Variants in CDC42BPA observed in about 807,000 individuals in gnomAD.
CDC42BPA encodes the protein serine/threonine-protein kinase MRCK alpha.
In CDC42BPA, 80 loss-of-function variants were observed where a neutral mutation model predicts 223.5. The ratio of observed to expected loss-of-function variants is 0.36; its 90% confidence interval spans 0.30 to 0.43. The LOEUF (loss-of-function observed/expected upper bound fraction) is 0.43, where lower values mean the gene tolerates loss of function less well. Ranked by LOEUF, CDC42BPA falls within the 20% of genes least tolerant of loss-of-function variation. The pLI, the probability that CDC42BPA is intolerant of heterozygous loss-of-function variation, is 1.00. For missense variants in CDC42BPA, 1,743 were observed against 2,099.9 expected, an observed-to-expected ratio of 0.83 and a Z score of 3.32; for synonymous variants, 694 against 718.6, an observed-to-expected ratio of 0.97 and a Z score of 0.55.
intron 1 of CDC42BPA, among the ~76,000 whole-genome samples, chr1:227,293,028 GCTA>G (rs1006957008): frequency 6.6e-6 from 1 of 152,038 alleles, no homozygotes; most frequent in African/African-American, 2.4e-5. Context: ...CTTCATCATA[GCTA>G]CTGACTCAAT....
At chr1:226,999,237 C>T (rs1243758764) in intron 35 of CDC42BPA, among the ~76,000 whole-genome samples, 5 of 150,568 alleles carry the variant, frequency 3.3e-5, no homozygotes, top group South Asian at 4.2e-4. Context: ...AGTGCAGTGG[C>T]GTGATCTCAG....
In CDC42BPA at chr1:226,990,587, T is replaced by G. The variant is rs1660629046; in HGVS notation, c.*3681A>C. Reference sequence around the variant, plus strand: ...CTCTGTCTAGATTGGATGGGGAGCCTTAGGCTTGGCAAGGCCTACCTGCTG... The same window carrying G: ...CTCTGTCTAGATTGGATGGGGAGCCGTAGGCTTGGCAAGGCCTACCTGCTG... On this transcript the variant is annotated 3_prime_UTR_variant, in exon 37 of 37. Coordinates refer to ENST00000366766, the MANE Select transcript of CDC42BPA (RefSeq NM_001394014.1). The G allele has an allele frequency of 1.3e-5, 2 of 152,392 alleles. No individual in the cohort carries two copies. The highest frequency in any genetic ancestry group is 2.9e-5 in the Non-Finnish European group (2 of 68,076). 9.4% of individuals were successfully genotyped at this position (152,392 alleles called of 1,614,324 possible).
At chr1:227,266,061 A>C (rs1226179840) in intron 1 of CDC42BPA, among the ~76,000 whole-genome samples, 1 of 152,216 alleles carries the variant, frequency 6.6e-6, no homozygotes, top group Non-Finnish European at 1.5e-5. Flanking sequence ...CCTAACAACT[A>C]ATCTTCCCTT....
At chr1:227,171,946 T>C (rs1666182321) in intron 5 of CDC42BPA, among the ~76,000 whole-genome samples, 1 of 152,122 alleles carries the variant, frequency 6.6e-6, no homozygotes, top group Non-Finnish European at 1.5e-5. Context: ...CACATTAATA[T>C]CTCCCATTCG....
intron 35 of CDC42BPA, among the ~76,000 whole-genome samples, chr1:226,997,434 C>A (rs983370764): frequency 6.6e-6 from 1 of 151,882 alleles, no homozygotes; most frequent in Non-Finnish European, 1.5e-5. Context: ...AAGGGTTTTT[C>A]GTGTCTCTAT....
chr1:227,273,808 C>T (rs1210554265), intron 1 of CDC42BPA, among the ~76,000 whole-genome samples: 2 of 149,626 alleles, frequency 1.3e-5, no homozygotes, highest in African/African-American at 4.9e-5. Flanking sequence ...CTCAAAGTTC[C>T]GTAGGAATTC....
At chr1:227,157,804 C>A (rs2149782608) in intron 6 of CDC42BPA, among the ~76,000 whole-genome samples, 1 of 152,228 alleles carries the variant, frequency 6.6e-6, no homozygotes, top group South Asian at 2.1e-4. Context: ...TATCTCTAGT[C>A]CACTTTTAAC....
intron 1 of CDC42BPA, among the ~76,000 whole-genome samples, chr1:227,262,364 CAAACTT>C (rs1684225872): frequency 6.6e-6 from 1 of 151,436 alleles, no homozygotes; most frequent in African/African-American, 2.4e-5. Flanking sequence ...TTAAAGTACT[CAAACTT>C]AAAAAAAAAA....
In CDC42BPA at chr1:227,016,188, T is replaced by C; in HGVS notation, c.4749A>G (p.Leu1583=). The change falls in exon 34 of 37, where the codon CTA becomes CTG. Residue 1583 remains leucine (L), a synonymous_variant. Coordinates refer to ENST00000366766, the MANE Select transcript of CDC42BPA (RefSeq NM_001394014.1). ...EERMQQRREM[L]RDPEMRNKLI... ...ATTTATTTCTCATTTCTGGATCTCG[T>C]AGCATTTCCCTGTAAGACAAGGCAT... 1.9e-6 allele frequency: 3 copies of C among 1,542,306 alleles called. No homozygotes were observed. Among genetic ancestry groups the C allele is most frequent in the Non-Finnish European group, 9.0e-7 (1 of 1,115,330 alleles).
intron 5 of CDC42BPA, among the ~76,000 whole-genome samples, chr1:227,160,934 GACCT>G (rs1663768954): frequency 6.6e-6 from 1 of 152,058 alleles, no homozygotes; most frequent in African/African-American, 2.4e-5. Flanking sequence ...GACTATGGTA[GACCT>G]ACTTTCTGCA....
At chr1:227,273,288 ACT>A (rs1356387448) in intron 1 of CDC42BPA, among the ~76,000 whole-genome samples, 1 of 149,474 alleles carries the variant, frequency 6.7e-6, no homozygotes, top group African/African-American at 2.5e-5. Context: ...ACAGAATGAG[ACT>A]CTGTCTCAAA....
intron 21 of CDC42BPA, among the ~76,000 whole-genome samples, chr1:227,055,751 A>T (rs749996493): frequency 6.6e-6 from 1 of 152,202 alleles, no homozygotes; most frequent in Non-Finnish European, 1.5e-5. Flanking sequence ...TAAATTCAAT[A>T]TAAGAAATAT....
intron 2 of CDC42BPA, among the ~76,000 whole-genome samples, chr1:227,233,687 A>AT (rs1678457083): frequency 6.6e-6 from 1 of 152,126 alleles, no homozygotes; most frequent in South Asian, 2.1e-4. Context: ...TAATCACAGA[A>AT]TTTTGGAGGC....
chr1:227,289,681 G>C (rs894801598), intron 1 of CDC42BPA, among the ~76,000 whole-genome samples: 4 of 152,092 alleles, frequency 2.6e-5, no homozygotes, highest in Admixed American at 2.0e-4. Context: ...ATAAATATCT[G>C]TTAAAATAAA....
chr1:227,292,426 G>A (rs1689855604), intron 1 of CDC42BPA, among the ~76,000 whole-genome samples: 1 of 152,158 alleles, frequency 6.6e-6, no homozygotes. Context: ...AAAGATAAAA[G>A]ATAGGTATCA....
At chr1:227,257,063 T>C (rs1683202937) in intron 1 of CDC42BPA, among the ~76,000 whole-genome samples, 1 of 151,378 alleles carries the variant, frequency 6.6e-6, no homozygotes, top group African/African-American at 2.4e-5. Flanking sequence ...CTTGAAAACA[T>C]GCTAAGTAAA....
chr1:227,178,580 C>T (rs576067548), intron 5 of CDC42BPA: 33 of 153,186 alleles, frequency 2.2e-4, no homozygotes, highest in African/African-American at 7.7e-4. Flanking sequence ...ACCACAACCT[C>T]TACCTCCCGG....
At position 227,120,652 on chromosome 1, in the gene CDC42BPA, T is replaced by C. The variant is rs558779806; in HGVS notation, c.1514-715A>G. Among the ~76,000 whole-genome samples, 6 of 152,328 alleles carry C rather than the reference T, an allele frequency of 3.9e-5. No homozygotes were observed. The South Asian group carries it at 1.2e-3, about 32-fold the overall frequency. On this transcript the variant is annotated intron_variant, in intron 11 of 36. Transcript: ENST00000366766. ...AAACAACATTATTGATTTTAACCTA[T>C]GCCTCAAAATGTAATAAATTGATAG...
rs774223801 is a variant in CDC42BPA at position 227,313,750 on chromosome 1, G to A, written c.178+3255C>T. 3.7e-5 allele frequency among the ~76,000 whole-genome samples: 5 copies of A among 136,678 alleles called. No individual in the cohort carries two copies. The Admixed American group carries it at 3.8e-4, about 10-fold the overall frequency. The allele number at this position is 136,678 out of a possible 152,430, so 89.7% of individuals were successfully genotyped here. ...TCAACACCTCACTTAATTAACACTC[G>A]TGTCATAAAAAAAAAGTGAACAGCT... is the stretch of plus-strand genomic sequence containing the variant. On this transcript the variant is annotated intron_variant, in intron 1 of 36. Transcript: ENST00000366766.
Sources: gnomAD v4.1 joint callset for allele counts (sites outside exome capture counted in the v4.1 genomes callset) on GRCh38, gnomAD v4.1.1 for gene constraint, MANE v1.5 for transcripts, NCBI Gene and HGNC (gene_info 2026-07-23, HGNC 2026-07-21) for gene names.